VNN1: variants seen among roughly 807,000 people sequenced by gnomAD.
VNN1 encodes the protein pantetheinase.
Under a neutral mutation model 41.9 loss-of-function variants are expected in VNN1, and 29 were observed. That is an observed-to-expected ratio of 0.69 (90% CI 0.52 to 0.94). The LOEUF is 0.94. Among genes scored for constraint, VNN1 ranks in the 40% least tolerant of loss-of-function variants. The probability of loss-of-function intolerance (pLI) is 0.00; values close to 1 mark genes in which losing one functional copy is unlikely to be tolerated. For missense variants in VNN1, 637 were observed against 621.1 expected (o/e 1.03, Z -0.27); for synonymous variants, 233 against 224.4 (o/e 1.04, Z -0.34).
chr6:132,698,203 G>T (rs1778399195), intron 2 of VNN1, among the ~76,000 whole-genome samples: 1 of 152,126 alleles, frequency 6.6e-6, no homozygotes, highest in Non-Finnish European at 1.5e-5. Context: ...TTTTGCCCTG[G>T]GCACAGAAGG....
At chr6:132,708,750 C>T (rs894691319) in intron 2 of VNN1, among the ~76,000 whole-genome samples, 1 of 152,282 alleles carries the variant, frequency 6.6e-6, no homozygotes, top group African/African-American at 2.4e-5. Flanking sequence ...CATCTCTATG[C>T]CATAATGATC....
chr6:132,689,573 C>G (rs574836822), intron 5 of VNN1, among the ~76,000 whole-genome samples: 1 of 152,290 alleles, frequency 6.6e-6, no homozygotes, highest in East Asian at 1.9e-4. Flanking sequence ...CAGATGTTCT[C>G]TTTTTAAATT....
chr6:132,708,664 C>T (rs1778552989), intron 2 of VNN1, among the ~76,000 whole-genome samples: 1 of 152,184 alleles, frequency 6.6e-6, no homozygotes. Flanking sequence ...CCTGCCAGTG[C>T]TACTTTCAAA....
chr6:132,713,962 A>G lies in VNN1; in HGVS notation c.74T>C (p.Phe25Ser). The G allele has an allele frequency of 1.2e-6, 2 of 1,614,204 alleles. No individual in the cohort carries two copies. Among genetic ancestry groups the G allele is most frequent in the East Asian group, 2.2e-5 (1 of 44,876 alleles). ...TGCATGCTCATAAACAGCTGCAGTG[A>G]AAGTGTCCTGGCAGCTGGCTCTTGA... ...YVSRASCQDT[F>S]TAAVYEHAAI... is the part of the protein sequence containing the mutation. Residue 25 changes from phenylalanine to serine, a missense_variant, in exon 1 of 7, where the codon TTC becomes TCC. Coordinates refer to ENST00000367928, the MANE Select transcript of VNN1 (RefSeq NM_004666.3).
chr6:132,697,900 C>T (rs1420299148), intron 2 of VNN1, among the ~76,000 whole-genome samples: 1 of 152,148 alleles, frequency 6.6e-6, no homozygotes, highest in Non-Finnish European at 1.5e-5. Context: ...AACATGTTTA[C>T]CCCCAGTCTT....
At chr6:132,694,508 A>G (rs1778339362) in intron 2 of VNN1, among the ~76,000 whole-genome samples, 1 of 152,198 alleles carries the variant, frequency 6.6e-6, no homozygotes, top group Non-Finnish European at 1.5e-5. Context: ...TCATAGATCA[A>G]TGACTTACAT....
chr6:132,710,004 C>T (rs1778576255), intron 2 of VNN1, among the ~76,000 whole-genome samples: 1 of 152,050 alleles, frequency 6.6e-6, no homozygotes, highest in African/African-American at 2.4e-5. Flanking sequence ...TCAAAATCCA[C>T]CTTGTCAAAA....
chr6:132,699,302 G>A, intron 2 of VNN1: 1 of 194,938 alleles, frequency 5.1e-6, no homozygotes, highest in Non-Finnish European at 1.1e-5. Flanking sequence ...AAGGAGAAGT[G>A]GCCTCAATTT....
chr6:132,682,741 AC>A lies in VNN1; in HGVS notation c.*398del, dbSNP rs1304478755. On this transcript the variant is annotated 3_prime_UTR_variant, in exon 7 of 7. Coordinates refer to ENST00000367928, the MANE Select transcript of VNN1 (RefSeq NM_004666.3). The stretch of plus-strand genomic sequence containing the variant: ...GGTAAAAAACAAAAAGAGCAAACAA[AC>A]AAAGTCATTGGAAATTTTCAGCAGA... 1 of 153,498 alleles carries A rather than the reference AC, an allele frequency of 6.5e-6. No homozygotes were observed. The highest frequency in any genetic ancestry group is 1.4e-5 in the Non-Finnish European group (1 of 69,006). 9.5% of individuals were successfully genotyped at this position (153,498 alleles called of 1,614,324 possible). A position where few individuals can be genotyped will look rare whatever the true frequency, so the allele number is the denominator to read the frequency against.
chr6:132,702,035 T>C (rs1778455045), intron 2 of VNN1, among the ~76,000 whole-genome samples: 1 of 152,204 alleles, frequency 6.6e-6, no homozygotes, highest in Admixed American at 6.5e-5. Flanking sequence ...CAATGTGGGA[T>C]AAAGTTCTCT....
At chr6:132,712,979 A>G (rs1778625897) in intron 1 of VNN1, among the ~76,000 whole-genome samples, 1 of 152,142 alleles carries the variant, frequency 6.6e-6, no homozygotes, top group Non-Finnish European at 1.5e-5. Flanking sequence ...TACAAAAAAT[A>G]CAAAACTTAG....
chr6:132,702,853 A>T (rs1038118638), intron 2 of VNN1, among the ~76,000 whole-genome samples: 1 of 152,244 alleles, frequency 6.6e-6, no homozygotes, highest in African/African-American at 2.4e-5. Context: ...TTGGGCTTTG[A>T]ATAAACATCA....
intron 2 of VNN1, among the ~76,000 whole-genome samples, chr6:132,700,228 G>T (rs560444220): frequency 2.6e-5 from 4 of 152,292 alleles, no homozygotes; most frequent in African/African-American, 9.6e-5. Flanking sequence ...ACATATCATT[G>T]CTACAGCAGT....
Position 132,684,317 on chromosome 6 carries a change from A to G in VNN1, c.1359+18T>C. 2 of 1,601,214 alleles carry G rather than the reference A, an allele frequency of 1.2e-6. No homozygotes were observed. The highest frequency in any genetic ancestry group is 1.1e-5 in the South Asian group (1 of 89,666). ...TCCTCTTACATGAAACTAATTGGCA[A>G]TATTCGAAGATTCTTACCTGAAATT... is the stretch of plus-strand genomic sequence containing the variant. On this transcript the variant is annotated intron_variant, in intron 6 of 6. Coordinates refer to ENST00000367928, the MANE Select transcript of VNN1 (RefSeq NM_004666.3).
Position 132,684,454 on chromosome 6 carries a change from A to C in VNN1, c.1240T>G (p.Ser414Ala), listed in dbSNP as rs755586217. 18 of 1,614,148 alleles carry C rather than the reference A, an allele frequency of 1.1e-5. 1 individual carries two copies. In the Middle Eastern group the frequency reaches 2.5e-3, roughly 222 times the overall value. ...KTTNLNTCGD[S>A]AETASTRFEM... is the part of the protein sequence containing the mutation. The stretch of plus-strand genomic sequence containing the variant: ...AACCTGGTAGAAGCTGTTTCAGCTG[A>C]GTCACCGCAAGTGTTTAAATTAGTC... Residue 414 changes from serine to alanine, a missense_variant, in exon 6 of 7, where the codon TCA becomes GCA. By Grantham distance (99) the Ser-to-Ala change is moderately conservative (BLOSUM62 1). Coordinates refer to ENST00000367928, the MANE Select transcript of VNN1 (RefSeq NM_004666.3).
At chr6:132,712,554 G>A (rs770692319) in intron 1 of VNN1, among the ~76,000 whole-genome samples, 2 of 152,026 alleles carry the variant, frequency 1.3e-5, no homozygotes, top group Admixed American at 1.3e-4. Flanking sequence ...TTGAACTTTC[G>A]CTGATGACTG....
At chr6:132,696,349 C>T (rs554216740) in intron 2 of VNN1, among the ~76,000 whole-genome samples, 11 of 151,972 alleles carry the variant, frequency 7.2e-5, no homozygotes, top group Non-Finnish European at 1.5e-4. Context: ...ATTGAGTGTC[C>T]AACACATGCA....
At chr6:132,708,287 T>G (rs543891686) in intron 2 of VNN1, among the ~76,000 whole-genome samples, 108 of 152,344 alleles carry the variant, frequency 7.1e-4, no homozygotes, top group Middle Eastern at 3.4e-3. Flanking sequence ...AGCAGCTCTT[T>G]ACCATGATGC....
In VNN1 at chr6:132,711,716, G is replaced by A. The variant is rs746738777; in HGVS notation, c.334C>T (p.Arg112Cys). ...CACAAGTTGTTTCTTTACCTGTTAC[G>A]ATTATTACAGGGGATCCAGTTTACT... is the stretch of plus-strand genomic sequence containing the variant. ...PEVNWIPCNNRNRFGQTPVQE... is the reference protein window; with the variant it reads ...PEVNWIPCNNCNRFGQTPVQE... Residue 112 changes from arginine (R) to cysteine (C), a missense_variant, in exon 2 of 7, where the codon CGT becomes TGT. Physicochemically the swap from Arg to Cys is radical, Grantham distance 180. Coordinates refer to ENST00000367928, the MANE Select transcript of VNN1 (RefSeq NM_004666.3). 4.5e-5 allele frequency: 72 copies of A among 1,609,984 alleles called. No homozygotes were observed. Among genetic ancestry groups the A allele is most frequent in the East Asian group, 6.7e-5 (3 of 44,814 alleles).
Sources: gnomAD v4.1 joint callset for allele counts (sites outside exome capture counted in the v4.1 genomes callset) on GRCh38, gnomAD v4.1.1 for gene constraint, MANE v1.5 for transcripts, NCBI Gene and HGNC (gene_info 2026-07-23, HGNC 2026-07-21) for gene names.